Variants in CNTN1 observed in about 807,000 individuals in gnomAD.
CNTN1 encodes the protein contactin 1.
CNTN1 carries 38 observed loss-of-function variants against 126.4 expected under a neutral mutation model. The ratio of observed to expected loss-of-function variants is 0.30; its 90% CI spans 0.23 to 0.39. CNTN1 has a LOEUF of 0.39. Among genes scored for constraint, CNTN1 ranks in the 10% least tolerant of loss-of-function variants. The probability of loss-of-function intolerance (pLI) is 1.00; values close to 1 mark genes in which losing one functional copy is unlikely to be tolerated. For synonymous variants in CNTN1, 413 were observed against 422.6 expected (o/e 0.98, Z 0.28); for missense variants, 1,009 against 1,248.4 (o/e 0.81, Z 2.89).
chr12:40,945,742 CAAAG>C (rs1946415183), intron 14 of CNTN1, among the ~76,000 whole-genome samples: 1 of 143,204 alleles, frequency 7.0e-6, no homozygotes, highest in South Asian at 2.2e-4. Flanking sequence ...AACAGGAAAA[CAAAG>C]AAATAACTGG....
At chr12:40,772,485 A>G (rs893911825) in intron 1 of CNTN1, among the ~76,000 whole-genome samples, 2 of 151,924 alleles carry the variant, frequency 1.3e-5, no homozygotes, top group Non-Finnish European at 1.5e-5. Flanking sequence ...TAGAGGGGAG[A>G]TATTAATACT....
At chr12:40,865,482 C>A (rs1421739312) in intron 1 of CNTN1, among the ~76,000 whole-genome samples, 2 of 152,072 alleles carry the variant, frequency 1.3e-5, no homozygotes, top group Admixed American at 6.6e-5. Flanking sequence ...TTAGCTCTTA[C>A]ATTTAGATTT....
At chr12:40,951,733 A>G (rs1946693838) in intron 14 of CNTN1, among the ~76,000 whole-genome samples, 2 of 150,300 alleles carry the variant, frequency 1.3e-5, no homozygotes, top group South Asian at 2.1e-4. Context: ...AAAAAAAAAA[A>G]AAAAAAAAAG....
chr12:41,010,224 C>A (rs1226852453), intron 17 of CNTN1, among the ~76,000 whole-genome samples: 1 of 152,146 alleles, frequency 6.6e-6, no homozygotes, highest in Non-Finnish European at 1.5e-5. Flanking sequence ...AGCTCCGGGA[C>A]CCATCAATCC....
intron 1 of CNTN1, among the ~76,000 whole-genome samples, chr12:40,796,912 C>T (rs1403671083): frequency 6.6e-6 from 1 of 152,030 alleles, no homozygotes; most frequent in African/African-American, 2.4e-5. Flanking sequence ...AATCACTATT[C>T]TCAAGAGAAA....
chr12:40,889,974 T>A (rs1040601016), intron 1 of CNTN1, among the ~76,000 whole-genome samples: 3 of 152,200 alleles, frequency 2.0e-5, no homozygotes, highest in Non-Finnish European at 2.9e-5. Flanking sequence ...TATAATTGAG[T>A]TATTTCCTTT....
chr12:40,764,860 A>G (rs1352523188), intron 1 of CNTN1, among the ~76,000 whole-genome samples: 6 of 152,198 alleles, frequency 3.9e-5, no homozygotes, highest in African/African-American at 1.4e-4. Flanking sequence ...ATTGTTTAGC[A>G]GCATATTGCT....
In CNTN1 at chr12:41,071,350, T is replaced by G. The variant is rs759745534; in HGVS notation, c.*1315T>G. ...ATGGAAATGTGTTTGAGTGTGGATG[T>G]AAAAGAAATCGAGTAATAAAGAATT... On this transcript the variant is annotated 3_prime_UTR_variant, in exon 24 of 24. Coordinates refer to ENST00000551295, the MANE Select transcript of CNTN1 (RefSeq NM_001843.4). 6.6e-6 allele frequency: 1 copy of G among 152,208 alleles called. No homozygotes were observed. The highest frequency in any genetic ancestry group is 1.5e-5 in the Non-Finnish European group (1 of 68,038). The allele number at this position is 152,208 out of a possible 1,614,324, so 9.4% of individuals were successfully genotyped here.
rs73277761 is a variant in CNTN1 at position 41,011,734 on chromosome 12, C to T, written c.2114-2494C>T. Among the ~76,000 whole-genome samples, 1,238 of 152,322 alleles carry T rather than the reference C, an allele frequency of 8.1e-3. 21 individuals are homozygous for T. Among genetic ancestry groups the T allele is most frequent in the African/African-American group, 0.028 (1,158 of 41,566 alleles). On this transcript the variant is annotated intron_variant, in intron 17 of 23. Coordinates refer to ENST00000551295, the MANE Select transcript of CNTN1 (RefSeq NM_001843.4). Reference sequence around the variant, plus strand: ...GCATTTGGGCAATTGTTGCACTCGCCTCCTTAATGGAGGAAGCGTGCTGGT... The same window carrying T: ...GCATTTGGGCAATTGTTGCACTCGCTTCCTTAATGGAGGAAGCGTGCTGGT...
intron 13 of CNTN1, 134 bp downstream of exon 13, chr12:40,943,858 A>G: frequency 7.2e-7 from 1 of 1,385,590 alleles, no homozygotes; most frequent in South Asian, 1.3e-5. Flanking sequence ...GCTTGATGAT[A>G]TTGTTCTTGG....
rs115481619 is a variant in CNTN1 at position 41,052,302 on chromosome 12, G to A, written c.2981-17657G>A. 9.0e-3 allele frequency among the ~76,000 whole-genome samples: 1,368 copies of A among 152,188 alleles called. 18 individuals are homozygous for A. Among genetic ancestry groups the A allele is most frequent in the African/African-American group, 0.032 (1,327 of 41,526 alleles). On this transcript the variant is annotated intron_variant, in intron 23 of 23. Coordinates refer to ENST00000551295, the MANE Select transcript of CNTN1 (RefSeq NM_001843.4). ...GAAACTCAATGGCTGATGTATTTCC[G>A]TGTTTGCACTGCATGGCCAAAGCTC...
intron 1 of CNTN1, among the ~76,000 whole-genome samples, chr12:40,845,825 CTCT>C (rs1942480134): frequency 6.6e-6 from 1 of 152,148 alleles, no homozygotes; most frequent in Non-Finnish European, 1.5e-5. Flanking sequence ...CCCTATGTAT[CTCT>C]TCTATTTGTT....
intron 1 of CNTN1, among the ~76,000 whole-genome samples, chr12:40,861,274 A>T (rs1943108031): frequency 6.6e-6 from 1 of 152,116 alleles, no homozygotes; most frequent in Non-Finnish European, 1.5e-5. Context: ...CAGCCCATTT[A>T]TAAAACATTA....
intron 16 of CNTN1, among the ~76,000 whole-genome samples, chr12:40,983,772 G>T: frequency 1.4e-5 from 2 of 145,572 alleles, no homozygotes; most frequent in African/African-American, 5.0e-5. Flanking sequence ...TATATTAATA[G>T]CATATATAGT....
chr12:41,006,031 C>A (rs931714565), intron 17 of CNTN1, among the ~76,000 whole-genome samples: 4 of 152,136 alleles, frequency 2.6e-5, no homozygotes, highest in Non-Finnish European at 5.9e-5. Context: ...TCAGAGGATT[C>A]TTTTTCATCT....
chr12:40,961,728 C>A (rs1403427583), intron 15 of CNTN1, among the ~76,000 whole-genome samples: 3 of 151,972 alleles, frequency 2.0e-5, no homozygotes, highest in African/African-American at 7.2e-5. Context: ...TAGATCAAGA[C>A]TCTCTAATAA....
intron 1 of CNTN1, among the ~76,000 whole-genome samples, chr12:40,724,405 G>A (rs1195786130): frequency 6.6e-6 from 1 of 152,154 alleles, no homozygotes; most frequent in African/African-American, 2.4e-5. Flanking sequence ...AGAAAACTCA[G>A]CTTCAATATA....
intron 17 of CNTN1, among the ~76,000 whole-genome samples, chr12:40,998,953 G>T (rs1948286864): frequency 6.6e-6 from 1 of 152,026 alleles, no homozygotes; most frequent in South Asian, 2.1e-4. Flanking sequence ...TTTCAATCAA[G>T]AGCTTATCTT....
chr12:40,996,323 G>T (rs1017030174), intron 17 of CNTN1, among the ~76,000 whole-genome samples: 1 of 152,054 alleles, frequency 6.6e-6, no homozygotes, highest in Non-Finnish European at 1.5e-5. Flanking sequence ...GGTAGAGACT[G>T]GGTTTCTCCA....
Sources: gnomAD v4.1 joint callset for allele counts (sites outside exome capture counted in the v4.1 genomes callset) on GRCh38, gnomAD v4.1.1 for gene constraint, MANE v1.5 for transcripts, NCBI Gene and HGNC (gene_info 2026-07-23, HGNC 2026-07-21) for gene names.